Variants in RPS6KC1 observed in about 807,000 individuals in gnomAD.
RPS6KC1 encodes ribosomal protein S6 kinase C1.
RPS6KC1 carries 54 observed loss-of-function variants against 103.8 expected under a neutral mutation model. The ratio of observed to expected loss-of-function variants is 0.52; its 90% CI spans 0.42 to 0.65. The LOEUF (loss-of-function observed/expected upper bound fraction) is 0.65. Ranked by LOEUF, RPS6KC1 falls within the 30% of genes least tolerant of loss-of-function variation. RPS6KC1 has a pLI of 0.00. For synonymous variants in RPS6KC1, 439 were observed against 438.7 expected (o/e 1.00, Z -0.01); for missense variants, 1,151 against 1,253.8 (o/e 0.92, Z 1.24).
the RPS6KC1 span, among the ~76,000 whole-genome samples, chr1:213,575,724 C>T: frequency 2.6e-5 from 4 of 152,142 alleles, no homozygotes; most frequent in East Asian, 7.7e-4. Flanking sequence ...CAGAGTCATA[C>T]ACCGGGAAAT....
chr1:213,774,200 A>G, the RPS6KC1 span, among the ~76,000 whole-genome samples: 3 of 152,224 alleles, frequency 2.0e-5, no homozygotes, highest in Non-Finnish European at 4.4e-5. Flanking sequence ...ATCATAAGAA[A>G]ACCATAATTA....
intron 3 of RPS6KC1, among the ~76,000 whole-genome samples, chr1:213,086,654 G>A (rs1485676293): frequency 6.6e-6 from 1 of 152,130 alleles, no homozygotes; most frequent in Admixed American, 6.6e-5. Flanking sequence ...TTTCTGTCCA[G>A]ACCCTGGCTG....
the RPS6KC1 span, among the ~76,000 whole-genome samples, chr1:213,426,033 T>C: frequency 5.3e-5 from 8 of 152,230 alleles, no homozygotes; most frequent in East Asian, 1.4e-3. Flanking sequence ...TTTTGTTCCT[T>C]TTCTTCTTCT....
chr1:213,543,290 T>C, the RPS6KC1 span, among the ~76,000 whole-genome samples: 1 of 152,092 alleles, frequency 6.6e-6, no homozygotes, highest in Non-Finnish European at 1.5e-5. Context: ...CAAGGATGGA[T>C]TGGAGGCCAG....
chr1:213,554,041 G>C, the RPS6KC1 span, among the ~76,000 whole-genome samples: 1 of 152,086 alleles, frequency 6.6e-6, no homozygotes, highest in East Asian at 1.9e-4. Context: ...GGCCCCACCT[G>C]TTAATGTTTG....
chr1:213,433,020 C>G, the RPS6KC1 span, among the ~76,000 whole-genome samples: 2 of 152,162 alleles, frequency 1.3e-5, no homozygotes, highest in Non-Finnish European at 2.9e-5. Context: ...AATTTATTAT[C>G]TTAAAGTTCT....
At chr1:213,061,627 A>G (rs1171942123) in intron 1 of RPS6KC1, among the ~76,000 whole-genome samples, 5 of 151,952 alleles carry the variant, frequency 3.3e-5, no homozygotes, top group African/African-American at 9.7e-5. Context: ...TCCAGTTTAA[A>G]TATGTCAGTA....
chr1:213,131,595 C>T (rs1247220900), intron 6 of RPS6KC1, among the ~76,000 whole-genome samples: 3 of 152,046 alleles, frequency 2.0e-5, no homozygotes, highest in Admixed American at 6.6e-5. Context: ...AGGTGTGTGC[C>T]ACCATGCCGA....
chr1:213,587,956 C>A, the RPS6KC1 span, among the ~76,000 whole-genome samples: 154 of 152,256 alleles, frequency 1.0e-3, no homozygotes, highest in Middle Eastern at 0.02. Flanking sequence ...ATTTATTGTT[C>A]ACAGTTTTGG....
chr1:213,687,150 G>C, the RPS6KC1 span, among the ~76,000 whole-genome samples: 1 of 152,146 alleles, frequency 6.6e-6, no homozygotes, highest in Non-Finnish European at 1.5e-5. Flanking sequence ...CCTGTATCTT[G>C]TGCCAACCTC....
intron 2 of RPS6KC1, among the ~76,000 whole-genome samples, chr1:213,077,108 G>C (rs2079417461): frequency 6.6e-6 from 1 of 152,236 alleles, no homozygotes; most frequent in Non-Finnish European, 1.5e-5. Flanking sequence ...GAGCTCAGGT[G>C]ATCCACCTGC....
intron 8 of RPS6KC1, among the ~76,000 whole-genome samples, chr1:213,215,351 A>T (rs147981798): frequency 0.019 from 2,893 of 152,320 alleles, 97 homozygotes; most frequent in African/African-American, 0.064. Flanking sequence ...AGAAACGAAC[A>T]AAGCCTCCAA....
chr1:213,151,822 G>A, intron 6 of RPS6KC1, among the ~76,000 whole-genome samples: 1 of 131,456 alleles, frequency 7.6e-6, no homozygotes, highest in Admixed American at 7.1e-5. Flanking sequence ...AGCTGGCCGG[G>A]CGAGGGGCTG....
At chr1:213,635,584 A>C in the RPS6KC1 span, among the ~76,000 whole-genome samples, 1 of 152,074 alleles carries the variant, frequency 6.6e-6, no homozygotes, top group Admixed American at 6.6e-5. Flanking sequence ...CATGCTAAAA[A>C]CTCTCAATAA....
At chr1:213,673,194 G>A in the RPS6KC1 span, among the ~76,000 whole-genome samples, 1 of 152,196 alleles carries the variant, frequency 6.6e-6, no homozygotes, top group African/African-American at 2.4e-5. Context: ...TCAGTGAGAT[G>A]TCCCACACTA....
At chr1:213,338,982 G>A in the RPS6KC1 span, among the ~76,000 whole-genome samples, 3 of 152,076 alleles carry the variant, frequency 2.0e-5, no homozygotes, top group Non-Finnish European at 4.4e-5. Context: ...GACAGACCAG[G>A]GCCAGGCACG....
chr1:213,193,090 T>C (rs1020176150), intron 8 of RPS6KC1, among the ~76,000 whole-genome samples: 44 of 151,950 alleles, frequency 2.9e-4, no homozygotes, highest in African/African-American at 1.1e-3. Flanking sequence ...TTTTTTTAAC[T>C]GTTTTGAGAC....
At chr1:213,124,904 CAG>C (rs889495132) in intron 5 of RPS6KC1, among the ~76,000 whole-genome samples, 2 of 152,062 alleles carry the variant, frequency 1.3e-5, no homozygotes, top group African/African-American at 4.8e-5. Flanking sequence ...GAAGAGGTGT[CAG>C]GGGTTTGCCT....
At chr1:213,631,684 A>T in the RPS6KC1 span, among the ~76,000 whole-genome samples, 907 of 152,122 alleles carry the variant, frequency 6.0e-3, 3 homozygotes, top group African/African-American at 0.021. Context: ...TAGTGTATTG[A>T]TTTTCCCCAA....
Sources: allele counts gnomAD v4.1 joint callset (sites outside exome capture counted in the v4.1 genomes callset), GRCh38; gene constraint gnomAD v4.1.1; transcripts MANE v1.5; gene names NCBI Gene and HGNC (gene_info 2026-07-23, HGNC 2026-07-21).